APLF: variants seen among roughly 807,000 people sequenced by gnomAD.
The protein encoded by APLF is aprataxin and PNK-like factor.
In APLF, 61 loss-of-function variants were observed where a neutral mutation model predicts 55.6. That is an observed-to-expected ratio of 1.10 (90% CI 0.89 to 1.36). The LOEUF is 1.36. APLF is among the 40% of genes most tolerant of loss of function. The pLI, the probability that APLF is intolerant of heterozygous loss-of-function variation, is 0.00. For synonymous variants in APLF, 207 were observed against 214.8 expected, an observed-to-expected ratio of 0.96 and a Z score of 0.32; for missense variants, 611 against 602.5, an observed-to-expected ratio of 1.01 and a Z score of -0.15.
At chr2:68,527,773 G>A (rs1573223555) in intron 6 of APLF, among the ~76,000 whole-genome samples, 3 of 150,796 alleles carry the variant, frequency 2.0e-5, no homozygotes, top group African/African-American at 7.3e-5. Flanking sequence ...TCACTTCCCA[G>A]AGAGGGCGGG....
intron 2 of APLF, among the ~76,000 whole-genome samples, chr2:68,501,763 A>C (rs1182732622): frequency 6.6e-6 from 1 of 152,214 alleles, no homozygotes; most frequent in Non-Finnish European, 1.5e-5. Flanking sequence ...TAAACAAATA[A>C]GACAATTCCT....
At chr2:68,505,927 C>G (rs1208784350) in intron 3 of APLF, among the ~76,000 whole-genome samples, 1 of 151,944 alleles carries the variant, frequency 6.6e-6, no homozygotes, top group East Asian at 1.9e-4. Flanking sequence ...TTCCTACCCT[C>G]TAATCATGAT....
At chr2:68,497,373 T>A (rs1676580029) in intron 2 of APLF, among the ~76,000 whole-genome samples, 2 of 152,002 alleles carry the variant, frequency 1.3e-5, no homozygotes, top group South Asian at 4.2e-4. Flanking sequence ...GGTATTGGAT[T>A]TCCCCCTTGC....
chr2:68,479,579 A>T (rs1675886584), intron 1 of APLF, among the ~76,000 whole-genome samples: 1 of 152,210 alleles, frequency 6.6e-6, no homozygotes, highest in South Asian at 2.1e-4. Context: ...TACCAAACCA[A>T]CACTAAACAC....
chr2:68,492,432 T>G (rs1462413828), intron 2 of APLF, among the ~76,000 whole-genome samples: 1 of 152,116 alleles, frequency 6.6e-6, no homozygotes, highest in African/African-American at 2.4e-5. Context: ...GAGCCGAGAT[T>G]GTGCCACTGC....
At chr2:68,475,786 A>G (rs1675752745) in intron 1 of APLF, among the ~76,000 whole-genome samples, 1 of 152,122 alleles carries the variant, frequency 6.6e-6, no homozygotes, top group Non-Finnish European at 1.5e-5. Context: ...TCTGGAATGC[A>G]TGCTGGACTT....
chr2:68,488,086 A>T (rs150792124), intron 1 of APLF, among the ~76,000 whole-genome samples: 8 of 152,262 alleles, frequency 5.3e-5, no homozygotes, highest in Admixed American at 1.3e-4. Context: ...ACAGTTTAAA[A>T]AAGGAAAGAA....
chr2:68,501,166 G>A (rs548211264), intron 2 of APLF, among the ~76,000 whole-genome samples: 4 of 152,034 alleles, frequency 2.6e-5, no homozygotes, highest in South Asian at 2.1e-4. Context: ...TTATTTTACC[G>A]CTTTCTTGTA....
At chr2:68,501,973 C>T (rs1004407960) in intron 2 of APLF, among the ~76,000 whole-genome samples, 1 of 152,026 alleles carries the variant, frequency 6.6e-6, no homozygotes, top group Non-Finnish European at 1.5e-5. Flanking sequence ...CTGGTGAGAG[C>T]TTTTTTGCTG....
intron 5 of APLF, among the ~76,000 whole-genome samples, chr2:68,520,665 C>G (rs1669871183): frequency 6.6e-6 from 1 of 151,754 alleles, no homozygotes; most frequent in South Asian, 2.1e-4. Context: ...TTCTGTTGGT[C>G]TATGTGCCTG....
chr2:68,566,287 C>T (rs183049489), intron 8 of APLF, among the ~76,000 whole-genome samples: 1 of 152,090 alleles, frequency 6.6e-6, no homozygotes, highest in African/African-American at 2.4e-5. Flanking sequence ...AGTTCCTGTG[C>T]CCTAAAAGAT....
rs750668275 is a variant in APLF at position 68,538,006 on chromosome 2, A to G, written c.939A>G (p.Arg313=). 7.5e-6 allele frequency: 12 copies of G among 1,598,030 alleles called. No individual in the cohort carries two copies. The African/African-American group carries it at 1.6e-4, about 22-fold the overall frequency. Residue 313 remains arginine (R), a synonymous_variant, in exon 7 of 10, where the codon AGA becomes AGG. Coordinates refer to ENST00000303795, the MANE Select transcript of APLF (RefSeq NM_173545.3). ...KVSKHKIATK[R]TPHKEDEAMS... ...CTAAACATAAAATTGCCACTAAAAGAACACCACATAAAGAAGATGAGGCAA... is the reference window on the plus strand; with the variant it reads ...CTAAACATAAAATTGCCACTAAAAGGACACCACATAAAGAAGATGAGGCAA...
At position 68,538,107 on chromosome 2, in the gene APLF, C is replaced by T. The variant is rs1670446692; in HGVS notation, c.1040C>T (p.Ser347Phe). The change falls in exon 7 of 10, where the codon TCC becomes TTC. Residue 347 changes from serine (S) to phenylalanine (F), a missense_variant. By Grantham distance (155) the Ser-to-Phe change is radical. Coordinates refer to ENST00000303795, the MANE Select transcript of APLF (RefSeq NM_173545.3). ...GAGTCTCAAGGGTCTCATTCTGAGT[C>T]CAGCTCTAATCCCTCCAATCCTGAA... The part of the protein sequence containing the change: ...QDESQGSHSE[S>F]SSNPSNPETL... The T allele has an allele frequency of 1.9e-6, 3 of 1,613,988 alleles. No homozygotes were observed. The highest frequency in any genetic ancestry group is 2.5e-6 in the Non-Finnish European group (3 of 1,180,012).
At position 68,538,221 on chromosome 2, in the gene APLF, G is replaced by A. The variant is rs1334681072; in HGVS notation, c.1154G>A (p.Cys385Tyr). 1 of 1,591,292 alleles carries A rather than the reference G, an allele frequency of 6.3e-7. No individual in the cohort carries two copies. Among genetic ancestry groups the A allele is most frequent in the African/African-American group, 1.4e-5 (1 of 73,612 alleles). Reference sequence around the variant, plus strand: ...ACATCCTGCATGTATGGGGCAAACTGCTATAGGTAAAATGAAATTACAGTA... The same window carrying A: ...ACATCCTGCATGTATGGGGCAAACTACTATAGGTAAAATGAAATTACAGTA... ...KRTSCMYGANCYRKNPVHFQH... is the reference protein window; with the variant it reads ...KRTSCMYGANYYRKNPVHFQH... Residue 385 changes from cysteine (C) to tyrosine (Y), a missense_variant, in exon 7 of 10, where the codon TGC becomes TAC. Cys to Tyr is a radical substitution (Grantham distance 194, BLOSUM62 -2). Transcript: ENST00000303795.
In APLF at chr2:68,499,366, G is replaced by A. The variant is rs146129429; in HGVS notation, c.169-3365G>A. ...TGCTTTTAGAATCAAAGTTAAACTTGTCTCATTGAAGCAGTTGGGAGTCCT... is the reference window on the plus strand; with the variant it reads ...TGCTTTTAGAATCAAAGTTAAACTTATCTCATTGAAGCAGTTGGGAGTCCT... On this transcript the variant is annotated intron_variant, in intron 2 of 9. Coordinates refer to ENST00000303795, the MANE Select transcript of APLF (RefSeq NM_173545.3). Among the ~76,000 whole-genome samples, 998 of 152,264 alleles carry A rather than the reference G, an allele frequency of 6.6e-3. 9 individuals carry two copies. The highest frequency in any genetic ancestry group is 0.023 in the African/African-American group (950 of 41,556).
chr2:68,502,812 A>G lies in APLF; in HGVS notation c.250A>G (p.Asn84Asp). The G allele has an allele frequency of 6.2e-7, 1 of 1,608,656 alleles. No individual in the cohort carries two copies. The highest frequency in any genetic ancestry group is 1.7e-4 in the Middle Eastern group (1 of 6,042). Residue 84 changes from asparagine (N) to aspartate (D), a missense_variant, in exon 3 of 10, where the codon AAT (asparagine) becomes GAT (aspartate). By Grantham distance (23) the Asn-to-Asp change is conservative. Transcript: ENST00000303795. ...PLKPNLWCYL[N>D]PGDSFSLLVD... Reference sequence around the variant, plus strand: ...GAAGCCAAATCTATGGTGCTATTTGAATCCTGGAGACAGCTTTTCTTTGTT... The same window carrying G: ...GAAGCCAAATCTATGGTGCTATTTGGATCCTGGAGACAGCTTTTCTTTGTT...
At chr2:68,539,664 C>T (rs1450894953) in intron 7 of APLF, among the ~76,000 whole-genome samples, 1 of 152,090 alleles carries the variant, frequency 6.6e-6, no homozygotes, top group Non-Finnish European at 1.5e-5. Flanking sequence ...TAATGGTCAT[C>T]TCAATAGAGA....
intron 1 of APLF, among the ~76,000 whole-genome samples, chr2:68,484,632 C>A (rs1676070143): frequency 6.7e-6 from 1 of 149,712 alleles, no homozygotes; most frequent in Admixed American, 6.7e-5. Flanking sequence ...GCAGAGTTTA[C>A]AGTGAGCCTA....
chr2:68,526,060 G>A lies in APLF; in HGVS notation c.623-1G>A. The A allele has an allele frequency of 6.2e-7, 1 of 1,610,244 alleles. No individual in the cohort carries two copies. Among genetic ancestry groups the A allele is most frequent in the Admixed American group, 1.7e-5 (1 of 59,470 alleles). ...TTCTTCTTTTTCTTTATGTGTTTAA[G>A]GTAATGTAATCCAGGGAAGTGGAAA... On this transcript the variant is annotated splice_acceptor_variant, in intron 5 of 9. Transcript: ENST00000303795. LOFTEE classifies it high-confidence loss of function.
Sources: allele counts gnomAD v4.1 joint callset (sites outside exome capture counted in the v4.1 genomes callset), GRCh38; gene constraint gnomAD v4.1.1; transcripts MANE v1.5; gene names NCBI Gene and HGNC (gene_info 2026-07-23, HGNC 2026-07-21).